ZBTB20: variants seen among roughly 807,000 people sequenced by gnomAD.
ZBTB20 encodes the protein zinc finger and BTB domain-containing protein 20.
In ZBTB20, 9 loss-of-function variants were observed where a neutral mutation model predicts 56.9. The observed-to-expected ratio is 0.16, with a 90% CI of 0.10 to 0.28. The LOEUF (loss-of-function observed/expected upper bound fraction) is 0.28. Ranked by LOEUF, ZBTB20 falls within the 10% of genes least tolerant of loss-of-function variation. The pLI, the probability that ZBTB20 is intolerant of heterozygous loss-of-function variation, is 1.00. For synonymous variants in ZBTB20, 417 were observed against 420.7 expected (o/e 0.99, Z 0.11); for missense variants, 655 against 1,003.0 (o/e 0.65, Z 4.69).
At chr3:114,528,375 T>C (rs943708643) in intron 6 of ZBTB20, among the ~76,000 whole-genome samples, 15 of 152,124 alleles carry the variant, frequency 9.9e-5, no homozygotes, top group African/African-American at 3.4e-4. Context: ...TTGCTCTGTA[T>C]ATTTGGACTG....
chr3:115,113,645 C>A (rs1345678824), intron 1 of ZBTB20, among the ~76,000 whole-genome samples: 1 of 152,196 alleles, frequency 6.6e-6, no homozygotes, highest in African/African-American at 2.4e-5. Context: ...GTTACAAGCA[C>A]AACAGAATTC....
intron 8 of ZBTB20, among the ~76,000 whole-genome samples, chr3:114,383,343 T>C (rs2084630726): frequency 6.6e-6 from 1 of 152,238 alleles, no homozygotes; most frequent in Non-Finnish European, 1.5e-5. Context: ...CTTTCAAACA[T>C]AAGGACATAG....
Position 114,876,076 on chromosome 3 carries a change from T to A in ZBTB20, c.-417+24228A>T, listed in dbSNP as rs186560817. ...CAGCAAGATCCCCATCTCTACAAAA[T>A]TTTTTTTAAAATTAGCGGGGTATGG... On this transcript the variant is annotated intron_variant, in intron 4 of 11. Transcript: ENST00000675478. 8.3e-4 allele frequency among the ~76,000 whole-genome samples: 125 copies of A among 151,374 alleles called. 1 individual carries two copies. The highest frequency in any genetic ancestry group is 1.0e-3 in the South Asian group (5 of 4,794).
At chr3:115,123,058 G>A (rs2084228120) in intron 1 of ZBTB20, among the ~76,000 whole-genome samples, 1 of 152,008 alleles carries the variant, frequency 6.6e-6, no homozygotes, top group Non-Finnish European at 1.5e-5. Flanking sequence ...ATCTGTCACA[G>A]GCTAGTTCTG....
intron 7 of ZBTB20, among the ~76,000 whole-genome samples, chr3:114,461,640 T>C (rs2092335293): frequency 6.6e-6 from 1 of 152,152 alleles, no homozygotes; most frequent in Admixed American, 6.5e-5. Context: ...TTTGCCATAG[T>C]GTATCATTGC....
intron 6 of ZBTB20, chr3:114,528,867 A>G (rs1440420432): frequency 6.6e-6 from 1 of 152,150 alleles, no homozygotes. Context: ...ATGAAAGAAT[A>G]ATACTGTTAA....
intron 3 of ZBTB20, among the ~76,000 whole-genome samples, chr3:114,963,752 T>C (rs1485711736): frequency 6.6e-6 from 1 of 152,060 alleles, no homozygotes. Context: ...GTAGTTTTTT[T>C]GCCTTGAAAA....
chr3:114,516,495 C>T (rs1254400537), intron 6 of ZBTB20, among the ~76,000 whole-genome samples: 1 of 152,126 alleles, frequency 6.6e-6, no homozygotes, highest in African/African-American at 2.4e-5. Context: ...AGTCATCCAT[C>T]AAAATGCTAC....
In ZBTB20 at chr3:114,620,579, A is replaced by T. The variant is rs528650458; in HGVS notation, c.-295+72949T>A. Among the ~76,000 whole-genome samples the T allele has an allele frequency of 1.3e-3, 196 of 152,336 alleles. 1 individual carries two copies. Among genetic ancestry groups the T allele is most frequent in the Non-Finnish European group, 2.1e-3 (140 of 68,028 alleles). On this transcript the variant is annotated intron_variant, in intron 6 of 11. Transcript: ENST00000675478. ...AGTGCTGGGATTACAGGCATGAGCC[A>T]CTGTGTCCGGCTGTTTCTTTCACTA...
At chr3:114,568,402 C>T (rs146375726) in intron 6 of ZBTB20, among the ~76,000 whole-genome samples, 80 of 152,296 alleles carry the variant, frequency 5.3e-4, no homozygotes, top group Non-Finnish European at 9.8e-4. Context: ...ATGTCTGGTA[C>T]ACTTGCATAA....
chr3:114,830,859 G>A (rs986151249), intron 4 of ZBTB20, among the ~76,000 whole-genome samples: 1 of 151,792 alleles, frequency 6.6e-6, no homozygotes, highest in African/African-American at 2.4e-5. Context: ...CTATTCCAGT[G>A]CAGCAATCCT....
At chr3:114,554,359 G>A (rs2050940613) in intron 6 of ZBTB20, among the ~76,000 whole-genome samples, 1 of 152,110 alleles carries the variant, frequency 6.6e-6, no homozygotes, top group Non-Finnish European at 1.5e-5. Context: ...GCATTTTGTG[G>A]CAGGGAGAGA....
chr3:114,728,514 C>G (rs991774110), intron 5 of ZBTB20, among the ~76,000 whole-genome samples: 7 of 152,156 alleles, frequency 4.6e-5, no homozygotes, highest in Non-Finnish European at 1.0e-4. Context: ...AATGGAAGAG[C>G]TAGAACTTGA....
At chr3:114,386,612 C>T (rs551843722) in intron 8 of ZBTB20, among the ~76,000 whole-genome samples, 1 of 152,266 alleles carries the variant, frequency 6.6e-6, no homozygotes, top group African/African-American at 2.4e-5. Context: ...CATTTCCTGA[C>T]CTCTCTCTTC....
chr3:115,065,460 C>T lies in ZBTB20; in HGVS notation c.-507+5759G>A, dbSNP rs553737323. 1.9e-4 allele frequency among the ~76,000 whole-genome samples: 29 copies of T among 152,272 alleles called. No individual in the cohort carries two copies. The South Asian group carries it at 5.0e-3, about 26-fold the overall frequency. ...CTGCCAGTTCCTCCTTTACATCTTC[C>T]AAAAGTTGTGTCTCTTTAATATGTT... is the stretch of plus-strand genomic sequence containing the variant. On this transcript the variant is annotated intron_variant, in intron 2 of 11. Transcript: ENST00000675478.
chr3:114,571,546 A>G (rs1577655870), intron 6 of ZBTB20, among the ~76,000 whole-genome samples: 1 of 152,158 alleles, frequency 6.6e-6, no homozygotes, highest in Non-Finnish European at 1.5e-5. Context: ...GCTTCTGTTA[A>G]CAAAGCCACA....
Position 114,335,468 on chromosome 3 carries a change from A to G in ZBTB20, c.*3537T>C, listed in dbSNP as rs1576208766. 5 of 152,348 alleles carry G rather than the reference A, an allele frequency of 3.3e-5. No individual in the cohort carries two copies. In the South Asian group the frequency reaches 1.0e-3, roughly 32 times the overall value. The allele number at this position is 152,348 out of a possible 1,614,324, so 9.4% of individuals were successfully genotyped here. On this transcript the variant is annotated 3_prime_UTR_variant, in exon 12 of 12. Coordinates refer to ENST00000675478, the MANE Select transcript of ZBTB20 (RefSeq NM_001348800.3). The stretch of plus-strand genomic sequence containing the variant: ...TTGTTTAACTTAAAAGTGAGAATTG[A>G]CAATCTAAAAGCATCTCTATCCTTT...
chr3:114,797,625 G>T (rs866199776), intron 5 of ZBTB20, among the ~76,000 whole-genome samples: 14 of 151,976 alleles, frequency 9.2e-5, no homozygotes, highest in Admixed American at 3.3e-4. Context: ...AAAATATTTT[G>T]TTATAGGAGG....
intron 6 of ZBTB20, among the ~76,000 whole-genome samples, chr3:114,623,188 A>G (rs1427908517): frequency 6.6e-6 from 1 of 152,222 alleles, no homozygotes; most frequent in African/African-American, 2.4e-5. Context: ...AACACATTCC[A>G]ACAGGAATTC....
Sources: gnomAD v4.1 joint callset for allele counts (sites outside exome capture counted in the v4.1 genomes callset) on GRCh38, gnomAD v4.1.1 for gene constraint, MANE v1.5 for transcripts, NCBI Gene and HGNC (gene_info 2026-07-23, HGNC 2026-07-21) for gene names.